ARHGEF7: variants seen among roughly 807,000 people sequenced by gnomAD.
ARHGEF7 encodes PAK-interacting exchange factor beta.
ARHGEF7 carries 33 observed loss-of-function variants against 109.8 expected under a neutral mutation model. The ratio of observed to expected loss-of-function variants is 0.30; its 90% CI spans 0.23 to 0.40. The LOEUF (loss-of-function observed/expected upper bound fraction) is 0.40, where lower values mean the gene tolerates loss of function less well. ARHGEF7 is among the 10% of genes least tolerant of loss of function. ARHGEF7 has a pLI of 1.00. For synonymous variants in ARHGEF7, 458 were observed against 424.6 expected, an observed-to-expected ratio of 1.08 and a Z score of -0.97; for missense variants, 938 against 1,098.5, an observed-to-expected ratio of 0.85 and a Z score of 2.07.
At chr13:111,176,398 C>G (rs1348942293) in intron 2 of ARHGEF7, among the ~76,000 whole-genome samples, 1 of 152,248 alleles carries the variant, frequency 6.6e-6, no homozygotes, top group East Asian at 1.9e-4. Context: ...GCCTCTCCCC[C>G]TCTGGCATCT....
At chr13:111,168,145 G>C (rs2077280724) in intron 2 of ARHGEF7, among the ~76,000 whole-genome samples, 1 of 152,200 alleles carries the variant, frequency 6.6e-6, no homozygotes, top group Non-Finnish European at 1.5e-5. Flanking sequence ...CTCTCGTCCA[G>C]GTCATAGGGA....
Position 111,216,812 on chromosome 13 carries a change from G to T in ARHGEF7, c.469-867G>T, listed in dbSNP as rs552568385. ...AGGCTTCTCCTAGGGTTGTCAGGCT[G>T]TGCGCTTTGGTAGTTCTGCATCTCC... On this transcript the variant is annotated intron_variant, in intron 4 of 21. Coordinates refer to ENST00000646102, the MANE Select transcript of ARHGEF7 (RefSeq NM_001354046.2). Among the ~76,000 whole-genome samples the T allele has an allele frequency of 2.0e-5, 3 of 152,334 alleles. No individual in the cohort carries two copies. In the South Asian group the frequency reaches 6.2e-4, roughly 32 times the overall value.
At chr13:111,293,278 T>C in intron 19 of ARHGEF7, 1 of 985,354 alleles carries the variant, frequency 1.0e-6, no homozygotes, top group Admixed American at 6.1e-5. Context: ...CATACTTATG[T>C]TGTCTGGAAG....
intron 1 of ARHGEF7, among the ~76,000 whole-genome samples, chr13:111,138,119 G>T (rs2075169151): frequency 6.6e-6 from 1 of 152,006 alleles, no homozygotes; most frequent in African/African-American, 2.4e-5. Flanking sequence ...TTCGAGACCA[G>T]CCTGACCAAC....
rs143465599 is a variant in ARHGEF7 at position 111,249,556 on chromosome 13, G to T, written c.950+5262G>T. On this transcript the variant is annotated intron_variant, in intron 8 of 21. Coordinates refer to ENST00000646102, the MANE Select transcript of ARHGEF7 (RefSeq NM_001354046.2). ...TTTTACACGGGAAAGGGGGAGTAGA[G>T]GAAAGTCAGTTGTGCGTTTTTCTCA... Among the ~76,000 whole-genome samples, 9 of 152,172 alleles carry T rather than the reference G, an allele frequency of 5.9e-5. No homozygotes were observed. In the East Asian group the frequency reaches 1.7e-3, roughly 30 times the overall value.
Position 111,303,193 on chromosome 13 carries a change from A to G in ARHGEF7, c.*80A>G. 6.5e-6 allele frequency: 5 copies of G among 764,122 alleles called. No homozygotes were observed. Among genetic ancestry groups the G allele is most frequent in the Non-Finnish European group, 9.8e-6 (5 of 509,642 alleles). 47.3% of individuals were successfully genotyped at this position (764,122 alleles called of 1,614,324 possible). A position where few individuals can be genotyped will look rare whatever the true frequency, so the allele number is the denominator to read the frequency against. On this transcript the variant is annotated 3_prime_UTR_variant, in exon 22 of 22. Transcript: ENST00000646102. ...CCCTGACCCAAGTCGGGGTGCACTCAGGACCACAGGGCAGGGCTGGGTGGG... is the reference window on the plus strand; with the variant it reads ...CCCTGACCCAAGTCGGGGTGCACTCGGGACCACAGGGCAGGGCTGGGTGGG...
intron 2 of ARHGEF7, among the ~76,000 whole-genome samples, chr13:111,194,847 G>A (rs781263739): frequency 6.6e-6 from 1 of 152,228 alleles, no homozygotes; most frequent in African/African-American, 2.4e-5. Flanking sequence ...CTGTGAGTCA[G>A]TGCAGGGGAA....
chr13:111,223,861 T>A (rs927919293), intron 5 of ARHGEF7, among the ~76,000 whole-genome samples: 2 of 150,088 alleles, frequency 1.3e-5, no homozygotes, highest in African/African-American at 4.9e-5. Context: ...CTATAGCATT[T>A]TTTTTTTTTT....
intron 1 of ARHGEF7, among the ~76,000 whole-genome samples, chr13:111,121,299 TC>T (rs2067181620): frequency 6.6e-6 from 1 of 152,214 alleles, no homozygotes; most frequent in Non-Finnish European, 1.5e-5. Context: ...TGTTCCGTGT[TC>T]CTGTACCATC....
chr13:111,205,305 AT>A lies in ARHGEF7; in HGVS notation c.272del (p.Leu91CysfsTer14). The A allele has an allele frequency of 6.2e-7, 1 of 1,603,226 alleles. No homozygotes were observed. The highest frequency in any genetic ancestry group is 8.5e-7 in the Non-Finnish European group (1 of 1,177,600). On this transcript the variant is annotated frameshift_variant, in exon 3 of 22. Coordinates refer to ENST00000646102, the MANE Select transcript of ARHGEF7 (RefSeq NM_001354046.2). LOFTEE classifies it high-confidence loss of function. ...SLRLETFDANDLYQGQNFNKV... is the reference protein window; with the variant it reads ...SLRLETFDANXLYQGQNFNKV... ...TCCTTTCAGACGTTTGATGCAAATG[AT>A]TTGTATCAGGGGCAGAATTTTAACA...
intron 16 of ARHGEF7, among the ~76,000 whole-genome samples, chr13:111,285,177 C>T (rs2092966293): frequency 6.6e-6 from 1 of 152,192 alleles, no homozygotes; most frequent in Non-Finnish European, 1.5e-5. Context: ...CCATCACCTT[C>T]CGCCTTTTGG....
At chr13:111,178,629 G>A (rs912676999) in intron 2 of ARHGEF7, among the ~76,000 whole-genome samples, 2 of 152,212 alleles carry the variant, frequency 1.3e-5, no homozygotes, top group African/African-American at 4.8e-5. Flanking sequence ...GGTACTTAGC[G>A]CTGTCCAGCT....
At chr13:111,277,530 A>G in intron 12 of ARHGEF7, 57 bp from the exon 13 acceptor site, 1 of 1,082,422 alleles carries the variant, frequency 9.2e-7, no homozygotes, top group Non-Finnish European at 1.4e-6. Flanking sequence ...ATTTGTGCTC[A>G]CATTTGTTAA....
intron 1 of ARHGEF7, among the ~76,000 whole-genome samples, chr13:111,126,317 C>T (rs2067556079): frequency 6.6e-6 from 1 of 152,054 alleles, no homozygotes; most frequent in Non-Finnish European, 1.5e-5. Flanking sequence ...ATGGTAAAAC[C>T]CTGTCTCTTC....
chr13:111,286,960 C>T (rs541872777), intron 17 of ARHGEF7, among the ~76,000 whole-genome samples: 34 of 152,302 alleles, frequency 2.2e-4, no homozygotes, highest in African/African-American at 6.3e-4. Flanking sequence ...CTGCCCCGCC[C>T]CTGTGTCTGA....
chr13:111,256,953 C>A (rs927091000), intron 8 of ARHGEF7, among the ~76,000 whole-genome samples: 3 of 152,220 alleles, frequency 2.0e-5, no homozygotes, highest in South Asian at 4.1e-4. Context: ...GTCTTCAAGA[C>A]GTTTGGACAG....
intron 8 of ARHGEF7, among the ~76,000 whole-genome samples, chr13:111,247,689 G>A (rs943460408): frequency 6.6e-6 from 1 of 152,160 alleles, no homozygotes; most frequent in Non-Finnish European, 1.5e-5. Context: ...CAAACTATGG[G>A]CTGGGTCAGA....
intron 9 of ARHGEF7, among the ~76,000 whole-genome samples, chr13:111,269,428 T>G (rs752343896): frequency 1.3e-5 from 2 of 152,232 alleles, no homozygotes; most frequent in African/African-American, 2.4e-5. Flanking sequence ...TCAAGAGCAG[T>G]GCTTGCGGGC....
intron 5 of ARHGEF7, among the ~76,000 whole-genome samples, chr13:111,229,706 G>T (rs549221407): frequency 1.3e-5 from 2 of 152,272 alleles, no homozygotes; most frequent in Middle Eastern, 3.4e-3. Flanking sequence ...ACCCTGGGTT[G>T]TAGAAATATT....
Sources: allele counts gnomAD v4.1 joint callset (sites outside exome capture counted in the v4.1 genomes callset), GRCh38; gene constraint gnomAD v4.1.1; transcripts MANE v1.5; gene names NCBI Gene and HGNC (gene_info 2026-07-23, HGNC 2026-07-21).